The following PPM1H variants were observed in gnomAD, a reference collection of about 807,000 sequenced individuals.
PPM1H encodes the protein protein phosphatase 1H.
Under a neutral mutation model 54.9 loss-of-function variants are expected in PPM1H, and 27 were observed. The ratio of observed to expected loss-of-function variants is 0.49; its 90% confidence interval spans 0.36 to 0.68. PPM1H has a LOEUF of 0.68. Ranked by LOEUF, PPM1H falls within the 30% of genes least tolerant of loss-of-function variation. PPM1H has a pLI of 0.00. For missense variants in PPM1H, 596 were observed against 667.8 expected, an observed-to-expected ratio of 0.89 and a Z score of 1.19; for synonymous variants, 305 against 270.8, an observed-to-expected ratio of 1.13 and a Z score of -1.24.
intron 1 of PPM1H, among the ~76,000 whole-genome samples, chr12:62,856,486 G>A (rs1869394412): frequency 6.6e-6 from 1 of 152,062 alleles, no homozygotes; most frequent in South Asian, 2.1e-4. Flanking sequence ...TGTCAGATGA[G>A]ATGGTACATC....
intron 9 of PPM1H, among the ~76,000 whole-genome samples, chr12:62,654,536 G>A (rs184302297): frequency 2.6e-5 from 4 of 152,274 alleles, no homozygotes; most frequent in Admixed American, 2.0e-4. Context: ...AGTCAAGGCC[G>A]GACAAGGCAC....
intron 1 of PPM1H, among the ~76,000 whole-genome samples, chr12:62,906,767 C>T (rs1186744328): frequency 6.6e-6 from 1 of 152,202 alleles, no homozygotes; most frequent in Non-Finnish European, 1.5e-5. Context: ...GATAAGAGTT[C>T]TTCCGTATTA....
intron 3 of PPM1H, among the ~76,000 whole-genome samples, chr12:62,795,029 A>T (rs781646260): frequency 6.6e-6 from 1 of 152,146 alleles, no homozygotes; most frequent in Non-Finnish European, 1.5e-5. Flanking sequence ...AGGGGGTTGT[A>T]GGGGCACACC....
intron 1 of PPM1H, among the ~76,000 whole-genome samples, chr12:62,833,702 C>T (rs1201752120): frequency 1.3e-5 from 2 of 152,208 alleles, no homozygotes; most frequent in East Asian, 3.8e-4. Context: ...TTCTGCCAAA[C>T]TCTGGAACTC....
At chr12:62,833,599 G>C (rs1201463194) in intron 1 of PPM1H, among the ~76,000 whole-genome samples, 7 of 152,022 alleles carry the variant, frequency 4.6e-5, no homozygotes, top group Non-Finnish European at 8.8e-5. Context: ...ATTTCCATAA[G>C]CCAACACACA....
intron 5 of PPM1H, among the ~76,000 whole-genome samples, chr12:62,734,510 G>C (rs933920785): frequency 1.3e-5 from 2 of 152,052 alleles, no homozygotes; most frequent in Non-Finnish European, 1.5e-5. Flanking sequence ...ATACACTTAC[G>C]TGAGATCTGA....
rs181324506 is a variant in PPM1H at position 62,828,774 on chromosome 12, A to G, written c.411+3340T>C. ...AAAATAACAACAGAACAGACAACCCAATTTTTAAAATGGGCAAAGGACTTG... is the reference window on the plus strand; with the variant it reads ...AAAATAACAACAGAACAGACAACCCGATTTTTAAAATGGGCAAAGGACTTG... On this transcript the variant is annotated intron_variant, in intron 2 of 9. Coordinates refer to ENST00000228705, the MANE Select transcript of PPM1H (RefSeq NM_020700.2). 5.0e-3 allele frequency among the ~76,000 whole-genome samples: 767 copies of G among 152,334 alleles called. 5 individuals carry two copies. The highest frequency in any genetic ancestry group is 0.018 in the African/African-American group (728 of 41,572).
intron 2 of PPM1H, among the ~76,000 whole-genome samples, chr12:62,817,168 A>G (rs2076874405): frequency 6.7e-6 from 1 of 148,868 alleles, no homozygotes; most frequent in Non-Finnish European, 1.5e-5. Context: ...AAAGAAAAAA[A>G]AAAAAAAAAA....
chr12:62,708,242 GT>G lies in PPM1H; in HGVS notation c.1073+11928del, dbSNP rs1266521159. On this transcript the variant is annotated intron_variant, in intron 6 of 9. Coordinates refer to ENST00000228705, the MANE Select transcript of PPM1H (RefSeq NM_020700.2). ...AAGTCCTTGATTTACTTGTCTGAAG[GT>G]AAGAGGACGGTGGTGGTAGGATGAG... Among the ~76,000 whole-genome samples the G allele has an allele frequency of 4.6e-5, 7 of 152,348 alleles. No homozygotes were observed. In the East Asian group the frequency reaches 1.3e-3, roughly 29 times the overall value.
chr12:62,819,010 G>A lies in PPM1H; in HGVS notation c.411+13104C>T, dbSNP rs150551067. On this transcript the variant is annotated intron_variant, in intron 2 of 9. Transcript: ENST00000228705. Reference sequence around the variant, plus strand: ...TAATTTTTTGTGTTTCAGTAGAGACGGGGTTTCACTGTTTTGCCCAGGCTA... The same window carrying A: ...TAATTTTTTGTGTTTCAGTAGAGACAGGGTTTCACTGTTTTGCCCAGGCTA... Among the ~76,000 whole-genome samples the A allele has an allele frequency of 3.6e-3, 552 of 151,900 alleles. 5 individuals carry two copies. The highest frequency in any genetic ancestry group is 0.011 in the African/African-American group (459 of 41,460).
intron 8 of PPM1H, among the ~76,000 whole-genome samples, chr12:62,683,037 TTATTATTATTATTATTA>T: frequency 4.0e-5 from 1 of 24,984 alleles, no homozygotes; most frequent in Non-Finnish European, 6.7e-5. Flanking sequence ...TTATTATTTA[TTATTATTATTATTATTA>T]TTATTATTAT....
chr12:62,799,010 C>T (rs902389756), intron 3 of PPM1H, among the ~76,000 whole-genome samples: 2 of 152,170 alleles, frequency 1.3e-5, no homozygotes, highest in African/African-American at 4.8e-5. Context: ...TTTGCCTAAT[C>T]GGCTCAATAT....
chr12:62,695,823 G>A (rs2076111765), intron 6 of PPM1H, among the ~76,000 whole-genome samples: 1 of 152,138 alleles, frequency 6.6e-6, no homozygotes, highest in Non-Finnish European at 1.5e-5. Context: ...TGGCTCAAGG[G>A]AGAGGAGGAA....
At chr12:62,753,860 T>A (rs990145847) in intron 4 of PPM1H, among the ~76,000 whole-genome samples, 8 of 152,336 alleles carry the variant, frequency 5.3e-5, no homozygotes, top group Admixed American at 3.9e-4. Flanking sequence ...TAGTTCTGCC[T>A]TGGAGCTTGG....
intron 1 of PPM1H, among the ~76,000 whole-genome samples, chr12:62,930,844 C>T (rs367712211): frequency 3.9e-5 from 6 of 152,110 alleles, no homozygotes; most frequent in South Asian, 4.2e-4. Context: ...TCTATAACTA[C>T]AATGCTTTAC....
Position 62,821,952 on chromosome 12 carries a change from C to G in PPM1H, c.411+10162G>C, listed in dbSNP as rs144522171. On this transcript the variant is annotated intron_variant, in intron 2 of 9. Coordinates refer to ENST00000228705, the MANE Select transcript of PPM1H (RefSeq NM_020700.2). ...GGCTAAATGCCCCAATTAAAAGACA[C>G]AGACTGGCAAACTGGATAAAGAGTC... Among the ~76,000 whole-genome samples the G allele has an allele frequency of 3.0e-3, 455 of 152,258 alleles. 2 individuals carry two copies. Among genetic ancestry groups the G allele is most frequent in the African/African-American group, 0.01 (431 of 41,544 alleles).
intron 1 of PPM1H, among the ~76,000 whole-genome samples, chr12:62,836,968 T>G (rs1868520609): frequency 6.6e-6 from 1 of 152,224 alleles, no homozygotes; most frequent in African/African-American, 2.4e-5. Context: ...AAATCCTGTA[T>G]GTGTATCAGA....
chr12:62,802,316 CAAACAA>C (rs1428402538), intron 2 of PPM1H, among the ~76,000 whole-genome samples, 156 bp from the exon 3 acceptor site: 2 of 151,966 alleles, frequency 1.3e-5, no homozygotes, highest in Admixed American at 6.6e-5. Context: ...CAAAATAAAA[CAAACAA>C]AAACAAAAAC....
At chr12:62,782,997 G>GTA (rs549843410) in intron 4 of PPM1H, among the ~76,000 whole-genome samples, 1 of 151,838 alleles carries the variant, frequency 6.6e-6, no homozygotes, top group African/African-American at 2.4e-5. Context: ...CCCAGCTAAT[G>GTA]TATATATATA....
Sources: gnomAD v4.1 joint callset for allele counts (sites outside exome capture counted in the v4.1 genomes callset) on GRCh38, gnomAD v4.1.1 for gene constraint, MANE v1.5 for transcripts, NCBI Gene and HGNC (gene_info 2026-07-23, HGNC 2026-07-21) for gene names.